The following ZNF33B variants were observed in gnomAD, a reference collection of about 807,000 sequenced individuals.
ZNF33B encodes the protein zinc finger protein 33B.
A neutral mutation model predicts 45.8 loss-of-function variants in ZNF33B; 29 were observed. The observed-to-expected ratio is 0.63, with a 90% CI of 0.47 to 0.86. The LOEUF (loss-of-function observed/expected upper bound fraction) is 0.86. ZNF33B is among the 40% of genes least tolerant of loss of function. ZNF33B has a pLI of 0.00. For synonymous variants in ZNF33B, 305 were observed against 307.8 expected (o/e 0.99, Z 0.10); for missense variants, 831 against 909.9 (o/e 0.91, Z 1.12).
intron 4 of ZNF33B, among the ~76,000 whole-genome samples, chr10:42,630,011 C>T (rs1188514559): frequency 6.6e-6 from 1 of 152,152 alleles, no homozygotes; most frequent in Non-Finnish European, 1.5e-5. Flanking sequence ...GAGCATTTTG[C>T]TCCAACCATC....
chr10:42,593,822 C>A lies in ZNF33B; in HGVS notation c.1128G>T (p.Gln376His). 2 of 1,614,064 alleles carry A rather than the reference C, an allele frequency of 1.2e-6. No homozygotes were observed. The highest frequency in any genetic ancestry group is 1.7e-6 in the Non-Finnish European group (2 of 1,179,968). ...AAGGTTTCTCCCCTGTGTGTGATCT[C>A]TGATGTTTAGTGAGGTTTGACTTCT... ...FWEKSNLTKHQRSHTGEKPFE... is the reference protein window; with the variant it reads ...FWEKSNLTKHHRSHTGEKPFE... Residue 376 changes from glutamine to histidine, a missense_variant, in exon 5 of 5, where the codon CAG (glutamine) becomes CAT (histidine). By Grantham distance (24) the Gln-to-His change is conservative. Coordinates refer to ENST00000359467, the MANE Select transcript of ZNF33B (RefSeq NM_006955.3).
chr10:42,626,086 T>C (rs1341200057), intron 4 of ZNF33B, among the ~76,000 whole-genome samples: 4 of 152,252 alleles, frequency 2.6e-5, no homozygotes, highest in Non-Finnish European at 4.4e-5. Context: ...TTTTTTATCA[T>C]GGATGCATAC....
chr10:42,584,674 CCAT>C (rs1836894733), downstream of ZNF33B, among the ~76,000 whole-genome samples: 1 of 152,172 alleles, frequency 6.6e-6, no homozygotes, highest in Admixed American at 6.5e-5. Flanking sequence ...GCACCCACCA[CCAT>C]GTCCTGCTAA....
intron 4 of ZNF33B, among the ~76,000 whole-genome samples, chr10:42,629,214 T>C (rs959959471): frequency 1.3e-5 from 2 of 152,162 alleles, no homozygotes; most frequent in Non-Finnish European, 2.9e-5. Flanking sequence ...TTCTCACTTA[T>C]TTGTGAAAGG....
rs1246839421 is a variant in ZNF33B at position 42,594,210 on chromosome 10, C to A, written c.740G>T (p.Cys247Phe). ...AGTTCTCCCAAATTCATTATAGTCA[C>A]AGTTATTCTCTTCTGCATTCTCTCT... The part of the protein sequence containing the change: ...RKRENAEENN[C>F]DYNEFGRTFC... Residue 247 changes from cysteine (C) to phenylalanine (F), a missense_variant, in exon 5 of 5, where the codon TGT becomes TTT. Physicochemically the swap from Cys to Phe is radical, Grantham distance 205 (BLOSUM62 -2). Coordinates refer to ENST00000359467, the MANE Select transcript of ZNF33B (RefSeq NM_006955.3). 1 of 1,613,698 alleles carries A rather than the reference C, an allele frequency of 6.2e-7. No individual in the cohort carries two copies. The highest frequency in any genetic ancestry group is 8.5e-7 in the Non-Finnish European group (1 of 1,179,916).
At chr10:42,605,860 C>T (rs1837822351) in intron 4 of ZNF33B, among the ~76,000 whole-genome samples, 1 of 152,072 alleles carries the variant, frequency 6.6e-6, no homozygotes, top group Admixed American at 6.6e-5. Flanking sequence ...CTTTGGGAGG[C>T]TGAAGCAGGA....
At chr10:42,584,048 A>G (rs1013182677) in intron 1 of ZNF33B, among the ~76,000 whole-genome samples, 19 of 152,130 alleles carry the variant, frequency 1.2e-4, no homozygotes, top group African/African-American at 4.3e-4. Flanking sequence ...CCCAGCAGCC[A>G]TTGGTCATCT....
intron 4 of ZNF33B, among the ~76,000 whole-genome samples, chr10:42,607,073 T>C (rs896767498): frequency 6.6e-6 from 1 of 152,130 alleles, no homozygotes; most frequent in African/African-American, 2.4e-5. Flanking sequence ...GCTCAGCCTG[T>C]ATAACAATGT....
chr10:42,637,674 GTTTT>G (rs1201177731), intron 1 of ZNF33B, among the ~76,000 whole-genome samples: 1 of 151,932 alleles, frequency 6.6e-6, no homozygotes, highest in East Asian at 1.9e-4. Flanking sequence ...TTGTTTGTTT[GTTTT>G]TGAGACGGAG....
intron 2 of ZNF33B, among the ~76,000 whole-genome samples, chr10:42,633,209 A>ATT (rs1341254920): frequency 2.6e-5 from 4 of 152,216 alleles, no homozygotes; most frequent in African/African-American, 9.6e-5. Flanking sequence ...TTCAAAGACA[A>ATT]TAATAGGGAT....
intron 4 of ZNF33B, among the ~76,000 whole-genome samples, chr10:42,621,431 A>G (rs2132127778): frequency 1.3e-5 from 2 of 152,236 alleles, no homozygotes; most frequent in Middle Eastern, 3.4e-3. Flanking sequence ...CACAAATACC[A>G]GTAAAATATA....
chr10:42,594,242 T>G lies in ZNF33B; in HGVS notation c.708A>C (p.Thr236=). ...TCTCTTCTGCATTCTCTCTCTTCCG[T>G]GTATTGAATACTGCCTTTTCAAGGA... is the stretch of plus-strand genomic sequence containing the variant. The part of the protein sequence containing the change: ...ETLLEKAVFN[T]RKRENAEENN... The change falls in exon 5 of 5, where the codon ACA becomes ACC. Residue 236 remains threonine, a synonymous_variant. Transcript: ENST00000359467. 1.2e-6 allele frequency: 2 copies of G among 1,613,790 alleles called. No homozygotes were observed. The highest frequency in any genetic ancestry group is 1.7e-6 in the Non-Finnish European group (2 of 1,179,912).
intron 1 of ZNF33B, among the ~76,000 whole-genome samples, chr10:42,638,185 A>G (rs1223089745): frequency 6.6e-6 from 1 of 152,236 alleles, no homozygotes; most frequent in Non-Finnish European, 1.5e-5. Flanking sequence ...TCAACCAGAG[A>G]ACTGCCCCTC....
chr10:42,607,810 A>G (rs1837929141), intron 4 of ZNF33B, among the ~76,000 whole-genome samples: 1 of 152,220 alleles, frequency 6.6e-6, no homozygotes, highest in Non-Finnish European at 1.5e-5. Context: ...CAATAAACCC[A>G]TTGAAAAGTT....
At chr10:42,609,924 G>A (rs1838031191) in intron 4 of ZNF33B, among the ~76,000 whole-genome samples, 1 of 151,954 alleles carries the variant, frequency 6.6e-6, no homozygotes, top group South Asian at 2.1e-4. Flanking sequence ...CCTGATTAAA[G>A]GCATCTACAA....
chr10:42,636,127 CA>C lies in ZNF33B; in HGVS notation c.9+792del, dbSNP rs1256512989. On this transcript the variant is annotated intron_variant, in intron 2 of 4. Coordinates refer to ENST00000359467, the MANE Select transcript of ZNF33B (RefSeq NM_006955.3). ...CAGGCAACAGAGCGAGACTCTGTCTCAAAAAAATAAAAAAATAAAAAATTTA... is the reference window on the plus strand; with the variant it reads ...CAGGCAACAGAGCGAGACTCTGTCTCAAAAAATAAAAAAATAAAAAATTTA... Among the ~76,000 whole-genome samples, 4 of 151,112 alleles carry C rather than the reference CA, an allele frequency of 2.6e-5. No individual in the cohort carries two copies. In the South Asian group the frequency reaches 8.4e-4, roughly 32 times the overall value.
intron 4 of ZNF33B, among the ~76,000 whole-genome samples, chr10:42,613,277 G>A (rs1282910228): frequency 6.6e-6 from 1 of 152,204 alleles, no homozygotes; most frequent in East Asian, 1.9e-4. Context: ...CAGGCATGGT[G>A]GCTCTCACCT....
At chr10:42,636,597 G>A (rs1190071113) in intron 2 of ZNF33B, among the ~76,000 whole-genome samples, 1 of 152,174 alleles carries the variant, frequency 6.6e-6, no homozygotes, top group Non-Finnish European at 1.5e-5. Flanking sequence ...CGAGGCGGGC[G>A]GATTGCCTGA....
chr10:42,578,673 G>A (rs1380541363), intron 1 of ZNF33B: 2 of 152,476 alleles, frequency 1.3e-5, no homozygotes, highest in East Asian at 1.9e-4. Context: ...TCAGGCTCCA[G>A]GTCTGAGGCT....
Sources: gnomAD v4.1 joint callset for allele counts (sites outside exome capture counted in the v4.1 genomes callset) on GRCh38, gnomAD v4.1.1 for gene constraint, MANE v1.5 for transcripts, NCBI Gene and HGNC (gene_info 2026-07-23, HGNC 2026-07-21) for gene names.